The following RIF1 variants were observed in gnomAD, a reference collection of about 807,000 sequenced individuals.
The protein encoded by RIF1 is replication timing regulatory factor 1, also known as telomere-associated protein RIF1.
In RIF1, 45 loss-of-function variants were observed where a neutral mutation model predicts 247.1. That is an observed-to-expected ratio of 0.18 (90% CI 0.14 to 0.23). The LOEUF is 0.23. Among genes scored for constraint, RIF1 ranks in the 10% least tolerant of loss-of-function variants. The pLI is 1.00. For synonymous variants in RIF1, 1,087 were observed against 978.8 expected, an observed-to-expected ratio of 1.11 and a Z score of -2.06; for missense variants, 2,967 against 2,862.5, an observed-to-expected ratio of 1.04 and a Z score of -0.83.
At chr2:151,508,077 CA>C (rs1553603690), downstream of RIF1, 1 of 1,609,902 alleles carries the variant, frequency 6.2e-7, no homozygotes, top group Non-Finnish European at 8.5e-7. Flanking sequence ...CATAATACGA[CA>C]TGGACTTCTC....
chr2:151,486,789 ATGTCT>A (rs1559073686), downstream of RIF1: 2 of 152,242 alleles, frequency 1.3e-5, no homozygotes, highest in Non-Finnish European at 2.9e-5. Context: ...TTTATATGAA[ATGTCT>A]TAGGTAGCCA....
In RIF1 at chr2:151,481,245, C is replaced by T. The variant is rs149659088; in HGVS notation, c.*6174C>T. 3.7e-4 allele frequency: 57 copies of T among 152,280 alleles called. No individual in the cohort carries two copies. Among genetic ancestry groups the T allele is most frequent in the African/African-American group, 1.3e-3 (54 of 41,556 alleles). The allele number at this position is 152,280 out of a possible 1,614,324, so 9.4% of individuals were successfully genotyped here. ...TTGCTTCTAGCTGGCAGAATGTGGT[C>T]TTGATTACTTAATTTCTGTTACCCC... On this transcript the variant is annotated 3_prime_UTR_variant, in exon 36 of 36. Transcript: ENST00000444746.
At chr2:151,533,356 T>C in the RIF1 span, 1 of 849,302 alleles carries the variant, frequency 1.2e-6, no homozygotes, top group Non-Finnish European at 1.9e-6. Context: ...GGGCAGGGAG[T>C]GGAAGAGGAA....
intron 8 of RIF1, among the ~76,000 whole-genome samples, chr2:151,428,265 A>G (rs550212459): frequency 2.0e-5 from 3 of 152,286 alleles, no homozygotes; most frequent in Admixed American, 6.5e-5. Flanking sequence ...CTTGATTTTT[A>G]TCTCACTTTT....
chr2:151,468,341 G>T (rs887765033), intron 31 of RIF1, 133 bp from the exon 32 acceptor site: 15 of 834,286 alleles, frequency 1.8e-5, no homozygotes, highest in Non-Finnish European at 2.9e-5. Context: ...GCAAGTAATT[G>T]ATTAGGTAGT....
At chr2:151,426,693 C>T (rs1457765638) in intron 8 of RIF1, among the ~76,000 whole-genome samples, 5 of 150,676 alleles carry the variant, frequency 3.3e-5, no homozygotes, top group African/African-American at 7.3e-5. Context: ...GACAGAGTCT[C>T]GCTCTGTTGT....
At chr2:151,424,074 C>A (rs986152720) in intron 8 of RIF1, among the ~76,000 whole-genome samples, 1 of 152,114 alleles carries the variant, frequency 6.6e-6, no homozygotes, top group Admixed American at 6.5e-5. Flanking sequence ...TATGCCCTTC[C>A]GTGTCTGGCT....
the RIF1 span, chr2:151,513,835 TC>T: frequency 4.1e-5 from 27 of 655,310 alleles, no homozygotes; most frequent in African/African-American, 4.0e-4. Context: ...CCTTCGCTCT[TC>T]CGTGTGGTAG....
chr2:151,457,784 T>G lies in RIF1; in HGVS notation c.2676T>G (p.Ile892Met), dbSNP rs1451490370. ...NNKLEKLLGEIIACLQFSYTG... is the reference protein window; with the variant it reads ...NNKLEKLLGEMIACLQFSYTG... Reference sequence around the variant, plus strand: ...AGTTAGAAAAGCTACTGGGAGAAATTATTGCTTGTCTGCAATTCAGCTACA... The same window carrying G: ...AGTTAGAAAAGCTACTGGGAGAAATGATTGCTTGTCTGCAATTCAGCTACA... The change falls in exon 24 of 36, where the codon ATT becomes ATG. Residue 892 changes from isoleucine (I) to methionine (M), a missense_variant. By Grantham distance (10) the Ile-to-Met change is conservative. Around this residue, in one of 7 missense-constraint regions of RIF1, gnomAD observed 2,028 missense variants for 1,825.6 expected, o/e 1.11. Transcript: ENST00000444746. The G allele has an allele frequency of 1.5e-5, 25 of 1,613,900 alleles. No individual in the cohort carries two copies. Among genetic ancestry groups the G allele is most frequent in the Non-Finnish European group, 2.1e-5 (25 of 1,179,906 alleles).
intron 34 of RIF1, among the ~76,000 whole-genome samples, chr2:151,470,783 C>T (rs184631535): frequency 6.6e-6 from 1 of 152,254 alleles, no homozygotes; most frequent in East Asian, 1.9e-4. Context: ...CATTCATTAA[C>T]TGGTTACTCA....
intron 3 of RIF1, among the ~76,000 whole-genome samples, chr2:151,413,009 G>A (rs1410694258): frequency 1.3e-5 from 2 of 150,204 alleles, no homozygotes; most frequent in African/African-American, 2.4e-5. Context: ...ATGCACTTTC[G>A]TGTATTGAGT....
At chr2:151,474,103 T>C (rs375333598) in intron 35 of RIF1, 31 bp downstream of exon 35, 14 of 1,007,542 alleles carry the variant, frequency 1.4e-5, no homozygotes, top group Non-Finnish European at 2.2e-5. Flanking sequence ...GATAATTTTA[T>C]TTAGAAGATC....
chr2:151,463,332 C>T lies in RIF1; in HGVS notation c.3812C>T (p.Thr1271Ile). The T allele has an allele frequency of 6.2e-7, 1 of 1,613,694 alleles. No individual in the cohort carries two copies. Among genetic ancestry groups the T allele is most frequent in the Non-Finnish European group, 8.5e-7 (1 of 1,179,918 alleles). The change falls in exon 30 of 36, where the codon ACT (threonine) becomes ATT (isoleucine). Residue 1271 changes from threonine (T) to isoleucine (I), a missense_variant. Thr to Ile is a moderately conservative substitution (Grantham distance 89). This residue lies in a region of RIF1 where 2,028 missense variants were observed against 1,825.6 expected (regional missense o/e 1.11). Coordinates refer to ENST00000444746, the MANE Select transcript of RIF1 (RefSeq NM_018151.5). The part of the protein sequence containing the change: ...FLPKAKQREG[T>I]FSKSDSEKIV... ...CCAAAAGCAAAGCAAAGAGAAGGGA[C>T]TTTTTCAAAATCTGATTCTGAAAAA...
intron 3 of RIF1, 58 bp downstream of exon 3, chr2:151,411,396 G>A: frequency 8.8e-7 from 1 of 1,137,498 alleles, no homozygotes; most frequent in Non-Finnish European, 1.3e-6. Context: ...TTTTTTTTTG[G>A]TTTTGTTTTT....
At chr2:151,484,465 G>T (rs531524591), downstream of RIF1, among the ~76,000 whole-genome samples, 1 of 152,128 alleles carries the variant, frequency 6.6e-6, no homozygotes, top group Non-Finnish European at 1.5e-5. Flanking sequence ...GAGTGGTGGC[G>T]CACGCCTGTA....
chr2:151,422,255 CATT>C (rs745914562), intron 7 of RIF1, among the ~76,000 whole-genome samples: 8 of 151,684 alleles, frequency 5.3e-5, no homozygotes, highest in South Asian at 2.1e-4. Flanking sequence ...TGTATTTTTT[CATT>C]ATTGTGAAAA....
downstream of RIF1, chr2:151,485,223 C>G (rs2049524309): frequency 6.6e-6 from 1 of 152,166 alleles, no homozygotes; most frequent in Non-Finnish European, 1.5e-5. Context: ...CATAACAGTA[C>G]ATTTTTTAAA....
At chr2:151,501,784 T>TTAA (rs2064783369) in intron 11 of RIF1, among the ~76,000 whole-genome samples, 1 of 152,058 alleles carries the variant, frequency 6.6e-6, no homozygotes, top group South Asian at 2.1e-4. Flanking sequence ...CTAATTGAAA[T>TTAA]TAATATCCAT....
At chr2:151,468,368 GT>G (rs1553498168) in intron 31 of RIF1, 105 bp from the exon 32 acceptor site, 1 of 1,014,308 alleles carries the variant, frequency 9.9e-7, no homozygotes, top group Non-Finnish European at 1.5e-6. Flanking sequence ...CTCTTTTTAT[GT>G]TTTTTGAACT....
Sources: allele counts gnomAD v4.1 joint callset (sites outside exome capture counted in the v4.1 genomes callset), GRCh38; gene constraint gnomAD v4.1.1; regional missense constraint gnomAD v4.1.1; transcripts MANE v1.5; gene names NCBI Gene and HGNC (gene_info 2026-07-23, HGNC 2026-07-21).